The following MTUS1 variants were observed in gnomAD, a reference collection of about 807,000 sequenced individuals.
The protein encoded by MTUS1 is microtubule-associated tumor suppressor 1.
In MTUS1, 109 loss-of-function variants were observed where a neutral mutation model predicts 120.8. The observed-to-expected ratio is 0.90, with a 90% CI of 0.77 to 1.06. The LOEUF is 1.06. Among genes scored for constraint, MTUS1 ranks in the 50% least tolerant of loss-of-function variants. MTUS1 has a pLI of 0.00. For missense variants in MTUS1, 2,210 were observed against 1,486.3 expected, an observed-to-expected ratio of 1.49 and a Z score of -8.01; for synonymous variants, 737 against 550.5, an observed-to-expected ratio of 1.34 and a Z score of -4.74.
At chr8:17,653,355 T>C in intron 11 of MTUS1, 70 bp downstream of exon 11, 2 of 1,527,798 alleles carry the variant, frequency 1.3e-6, no homozygotes, top group Non-Finnish European at 1.8e-6. Context: ...CACAGAAACA[T>C]TAAAACCAAA....
chr8:17,675,346 A>G (rs959219887), intron 7 of MTUS1, 94 bp from the exon 8 acceptor site: 7 of 1,046,732 alleles, frequency 6.7e-6, no homozygotes, highest in Admixed American at 4.0e-5. Context: ...GAGACCCAGT[A>G]TTGGGAAGCC....
intron 3 of MTUS1, among the ~76,000 whole-genome samples, chr8:17,732,422 C>T (rs886743928): frequency 1.3e-5 from 2 of 152,188 alleles, no homozygotes. Context: ...CAGGGATGCC[C>T]CTACGTTCCT....
chr8:17,760,651 T>C (rs952077368), intron 1 of MTUS1, among the ~76,000 whole-genome samples: 2 of 152,196 alleles, frequency 1.3e-5, no homozygotes, highest in African/African-American at 4.8e-5. Flanking sequence ...TCGACATATA[T>C]ATTCTTTGCC....
chr8:17,717,822 C>G (rs1343078882), intron 4 of MTUS1, among the ~76,000 whole-genome samples: 1 of 152,132 alleles, frequency 6.6e-6, no homozygotes, highest in Non-Finnish European at 1.5e-5. Context: ...CTCAATACAA[C>G]ACTAGATCAA....
intron 1 of MTUS1, among the ~76,000 whole-genome samples, chr8:17,785,117 T>C (rs1236641217): frequency 7.3e-5 from 9 of 122,956 alleles, no homozygotes; most frequent in African/African-American, 2.5e-4. Context: ...GCAACAAACA[T>C]TCCTAGGTCC....
chr8:17,755,160 C>A lies in MTUS1; in HGVS notation c.648G>T (p.Thr216=). ...STWTSSHSDK[T]HARETTYDRE... The stretch of plus-strand genomic sequence containing the variant: ...TATCATAAGTAGTTTCTCTTGCATG[C>A]GTCTTATCAGAATGGGAAGATGTCC... The change falls in exon 2 of 15, where the codon ACG becomes ACT. Residue 216 remains threonine, a synonymous_variant. Coordinates refer to ENST00000693296, the MANE Select transcript of MTUS1 (RefSeq NM_001363059.2). 1.2e-6 allele frequency: 2 copies of A among 1,614,088 alleles called. No homozygotes were observed. The highest frequency in any genetic ancestry group is 1.7e-6 in the Non-Finnish European group (2 of 1,180,014).
At chr8:17,679,318 CTG>C (rs1460771600) in intron 7 of MTUS1, among the ~76,000 whole-genome samples, 6 of 92,946 alleles carry the variant, frequency 6.5e-5, no homozygotes, top group African/African-American at 1.9e-4. Flanking sequence ...CAATGTGTAT[CTG>C]TATCTATTTT....
intron 2 of MTUS1, among the ~76,000 whole-genome samples, chr8:17,744,582 C>T (rs142236596): frequency 0.014 from 2,070 of 150,082 alleles, 15 homozygotes; most frequent in Non-Finnish European, 0.017. Context: ...CACCATCAAT[C>T]TTTTTACTTT....
intron 1 of MTUS1, among the ~76,000 whole-genome samples, chr8:17,757,383 G>A (rs528578213): frequency 3.5e-4 from 54 of 152,294 alleles, no homozygotes; most frequent in African/African-American, 1.2e-3. Context: ...TTGGGATGAC[G>A]TTTCTTTTGC....
At chr8:17,742,272 TTTTTTTTTTGTTG>T (rs1563302080) in intron 3 of MTUS1, among the ~76,000 whole-genome samples, 432 of 124,710 alleles carry the variant, frequency 3.5e-3, no homozygotes, top group South Asian at 4.9e-3. Context: ...CCCAGCTGTT[TTTTTTTTTTGTTG>T]TTGTTGTTTT....
intron 6 of MTUS1, among the ~76,000 whole-genome samples, chr8:17,709,962 A>C (rs940218483): frequency 3.3e-5 from 5 of 151,438 alleles, no homozygotes; most frequent in Middle Eastern, 3.4e-3. Context: ...AGCAGAGATC[A>C]TGCCACTGCA....
intron 1 of MTUS1, among the ~76,000 whole-genome samples, chr8:17,770,102 A>G (rs1476287714): frequency 1.3e-5 from 2 of 152,218 alleles, no homozygotes; most frequent in Non-Finnish European, 2.9e-5. Flanking sequence ...TTGTAATAAT[A>G]TACAACATTT....
chr8:17,664,702 G>T (rs976476936), intron 8 of MTUS1, among the ~76,000 whole-genome samples: 2 of 152,054 alleles, frequency 1.3e-5, no homozygotes, highest in African/African-American at 4.8e-5. Flanking sequence ...ACATTCTACC[G>T]TAGGAGTGTG....
chr8:17,771,873 G>C (rs1048583541), intron 1 of MTUS1, among the ~76,000 whole-genome samples: 2 of 152,206 alleles, frequency 1.3e-5, no homozygotes, highest in African/African-American at 4.8e-5. Context: ...GAGATCTAGA[G>C]AAAAGAAGTT....
intron 1 of MTUS1, among the ~76,000 whole-genome samples, chr8:17,772,226 T>C (rs2131457503): frequency 6.6e-6 from 1 of 152,302 alleles, no homozygotes; most frequent in African/African-American, 2.4e-5. Context: ...ATCGTATGTA[T>C]TAAAAGGAAT....
rs903560646 is a variant in MTUS1 at position 17,797,385 on chromosome 8, C to A, written c.-155+3676G>T. On this transcript the variant is annotated intron_variant, in intron 1 of 14. Transcript: ENST00000693296. ...CTATGATCATGCTACTGTATTCCAG[C>A]CTGGGTGACACAGCAATATCCCGTC... is the stretch of plus-strand genomic sequence containing the variant. Among the ~76,000 whole-genome samples, 11 of 151,978 alleles carry A rather than the reference C, an allele frequency of 7.2e-5. No individual in the cohort carries two copies. The East Asian group carries it at 1.5e-3, about 21-fold the overall frequency.
At chr8:17,697,200 C>G in intron 6 of MTUS1, 1 of 1,521,164 alleles carries the variant, frequency 6.6e-7, no homozygotes, top group Non-Finnish European at 8.9e-7. Context: ...TAAACATCTG[C>G]AAATTAATGA....
chr8:17,666,090 CTTTTTTTTTTT>C (rs57062684), intron 8 of MTUS1, among the ~76,000 whole-genome samples: 1 of 111,088 alleles, frequency 9.0e-6, no homozygotes, highest in African/African-American at 3.5e-5. Flanking sequence ...AGAACAGATG[CTTTTTTTTTTT>C]TTTTTTTTTT....
Position 17,730,155 on chromosome 8 carries a change from C to T in MTUS1, c.2288-6322G>A, listed in dbSNP as rs1334409235. 2.0e-5 allele frequency among the ~76,000 whole-genome samples: 3 copies of T among 152,252 alleles called. No individual in the cohort carries two copies. The East Asian group carries it at 5.8e-4, about 29-fold the overall frequency. On this transcript the variant is annotated intron_variant, in intron 3 of 14. Transcript: ENST00000693296. ...AACCTGAAGTTACCATATAATCCAA[C>T]AACTGCATGTCTAGGTACAGATCCA...
Sources: allele counts gnomAD v4.1 joint callset (sites outside exome capture counted in the v4.1 genomes callset), GRCh38; gene constraint gnomAD v4.1.1; transcripts MANE v1.5; gene names NCBI Gene and HGNC (gene_info 2026-07-23, HGNC 2026-07-21).